Variants in PSMD14 observed in about 807,000 individuals in gnomAD.
The protein encoded by PSMD14 is ubiquitin C-terminal hydrolase PSMD14.
PSMD14 carries 7 observed loss-of-function variants against 41.2 expected under a neutral mutation model. That is an observed-to-expected ratio of 0.17 (90% confidence interval 0.10 to 0.32). PSMD14 has a LOEUF of 0.32. Ranked by LOEUF, PSMD14 falls within the 10% of genes least tolerant of loss-of-function variation. The pLI is 1.00. For synonymous variants in PSMD14, 114 were observed against 122.3 expected (o/e 0.93, Z 0.45); for missense variants, 139 against 375.6 (o/e 0.37, Z 5.21).
At chr2:161,342,682 A>G (rs1682984022) in intron 3 of PSMD14, among the ~76,000 whole-genome samples, 1 of 151,850 alleles carries the variant, frequency 6.6e-6, no homozygotes, top group Non-Finnish European at 1.5e-5. Context: ...AGTAATTTAC[A>G]TTTCACAAAA....
chr2:161,312,703 A>G (rs896286157), intron 1 of PSMD14, among the ~76,000 whole-genome samples: 2 of 152,218 alleles, frequency 1.3e-5, no homozygotes, highest in Admixed American at 6.5e-5. Flanking sequence ...TGAGTCTTCT[A>G]CTTTTTGATA....
At chr2:161,391,336 TTTTA>T (rs1207429381) in intron 9 of PSMD14, among the ~76,000 whole-genome samples, 158 bp downstream of exon 9, 1 of 152,160 alleles carries the variant, frequency 6.6e-6, no homozygotes, top group East Asian at 1.9e-4. Context: ...TAAGGGAATA[TTTTA>T]TTGGACTATT....
intron 3 of PSMD14, among the ~76,000 whole-genome samples, chr2:161,345,512 C>G (rs1683029183): frequency 6.6e-6 from 1 of 152,122 alleles, no homozygotes; most frequent in Admixed American, 6.5e-5. Context: ...CCGCCCACCT[C>G]TGCCTCCCAA....
At chr2:161,335,093 G>C (rs1487905037) in intron 3 of PSMD14, among the ~76,000 whole-genome samples, 3 of 152,204 alleles carry the variant, frequency 2.0e-5, no homozygotes, top group African/African-American at 7.2e-5. Flanking sequence ...AATTCAGGGA[G>C]TTTTTATGAG....
At chr2:161,323,202 A>C (rs1016401765) in intron 3 of PSMD14, among the ~76,000 whole-genome samples, 1 of 152,188 alleles carries the variant, frequency 6.6e-6, no homozygotes, top group African/African-American at 2.4e-5. Flanking sequence ...TGCCAAGTCT[A>C]TTGGCCTATT....
intron 7 of PSMD14, among the ~76,000 whole-genome samples, chr2:161,376,711 A>G (rs969790820): frequency 6.6e-6 from 1 of 151,984 alleles, no homozygotes; most frequent in Non-Finnish European, 1.5e-5. Flanking sequence ...GAGGTGATTA[A>G]TGTATTGCAC....
chr2:161,341,132 C>T, intron 3 of PSMD14: 24 of 1,263,610 alleles, frequency 1.9e-5, no homozygotes, highest in Non-Finnish European at 2.2e-5. Context: ...CGGGCGAGGC[C>T]GCCGGCTCGG....
chr2:161,332,089 G>A (rs892927272), intron 3 of PSMD14, among the ~76,000 whole-genome samples: 38 of 152,048 alleles, frequency 2.5e-4, no homozygotes, highest in African/African-American at 8.2e-4. Context: ...ATTGTAGATC[G>A]AAAGTAAGAT....
intron 7 of PSMD14, among the ~76,000 whole-genome samples, chr2:161,372,199 G>A (rs1261327753): frequency 6.6e-6 from 1 of 151,982 alleles, no homozygotes; most frequent in African/African-American, 2.4e-5. Flanking sequence ...GTTTGAGCAT[G>A]TACTTCCATT....
chr2:161,313,212 C>T (rs978802499), intron 1 of PSMD14, among the ~76,000 whole-genome samples: 1 of 152,072 alleles, frequency 6.6e-6, no homozygotes, highest in African/African-American at 2.4e-5. Context: ...TCTCATGTAC[C>T]AGGCAAAATA....
At chr2:161,326,715 C>T (rs966506403) in intron 3 of PSMD14, among the ~76,000 whole-genome samples, 3 of 152,076 alleles carry the variant, frequency 2.0e-5, no homozygotes, top group African/African-American at 2.4e-5. Context: ...TTAGTATCCT[C>T]GGGGGATTGA....
chr2:161,402,448 G>T (rs903951300), intron 10 of PSMD14, among the ~76,000 whole-genome samples: 15 of 151,962 alleles, frequency 9.9e-5, no homozygotes, highest in Admixed American at 3.3e-4. Context: ...TTCAAGGCCT[G>T]GGCAACATAG....
intron 9 of PSMD14, among the ~76,000 whole-genome samples, chr2:161,393,918 A>T (rs1296808597): frequency 2.6e-5 from 4 of 151,350 alleles, no homozygotes; most frequent in African/African-American, 4.9e-5. Context: ...TAGTTTCATG[A>T]TCACTGATAT....
At chr2:161,324,342 A>G (rs1361525469) in intron 3 of PSMD14, among the ~76,000 whole-genome samples, 1 of 152,224 alleles carries the variant, frequency 6.6e-6, no homozygotes, top group Admixed American at 6.5e-5. Context: ...CTCATTGTAA[A>G]TAACGTGATT....
intron 3 of PSMD14, among the ~76,000 whole-genome samples, chr2:161,354,509 C>CTTAT (rs66854446): frequency 0.098 from 236 of 2,408 alleles, 4 homozygotes; most frequent in African/African-American, 0.31. Flanking sequence ...GTGCTTGGTC[C>CTTAT]TTGTTGCAGT....
At chr2:161,376,007 TAGAA>T (rs948961935) in intron 7 of PSMD14, among the ~76,000 whole-genome samples, 70 of 151,586 alleles carry the variant, frequency 4.6e-4, no homozygotes, top group African/African-American at 1.6e-3. Context: ...AATTTTATAT[TAGAA>T]AGTTTTAAGA....
chr2:161,341,383 C>T, intron 3 of PSMD14: 1 of 862,926 alleles, frequency 1.2e-6, no homozygotes, highest in Non-Finnish European at 1.4e-6. Flanking sequence ...CCGCCGCGCC[C>T]CGTCCTTTGT....
chr2:161,308,903 T>C (rs1384877282), intron 1 of PSMD14: 1 of 152,224 alleles, frequency 6.6e-6, no homozygotes, highest in Non-Finnish European at 1.5e-5. Flanking sequence ...CTGTGCTCTA[T>C]CCATAGTTGT....
In PSMD14 at chr2:161,411,286, AT is replaced by A; in HGVS notation, c.835-11del. ...ATATGGTTCTGTTTTCTCTTTCCTC[AT>A]TTTTGTTCTTTTAGGACCCCAAACG... is the stretch of plus-strand genomic sequence containing the variant. On this transcript the variant is annotated splice_polypyrimidine_tract_variant and intron_variant, in intron 11 of 11. Transcript: ENST00000409682. The A allele has an allele frequency of 6.4e-7, 1 of 1,556,118 alleles. No individual in the cohort carries two copies. Among genetic ancestry groups the A allele is most frequent in the Non-Finnish European group, 8.7e-7 (1 of 1,143,146 alleles).
Sources: allele counts gnomAD v4.1 joint callset (sites outside exome capture counted in the v4.1 genomes callset), GRCh38; gene constraint gnomAD v4.1.1; transcripts MANE v1.5; gene names NCBI Gene and HGNC (gene_info 2026-07-23, HGNC 2026-07-21).